Variants in NOS1AP observed in about 807,000 individuals in gnomAD.
The protein encoded by NOS1AP is nitric oxide synthase 1 adaptor protein, also known as carboxyl-terminal PDZ ligand of neuronal nitric oxide synthase protein.
Under a neutral mutation model 56.2 loss-of-function variants are expected in NOS1AP, and 21 were observed. The ratio of observed to expected loss-of-function variants is 0.37; its 90% CI spans 0.26 to 0.54. The LOEUF (loss-of-function observed/expected upper bound fraction) is 0.54, where lower values mean the gene tolerates loss of function less well. Among genes scored for constraint, NOS1AP ranks in the 20% least tolerant of loss-of-function variants. The pLI is 0.84. For synonymous variants in NOS1AP, 270 were observed against 274.6 expected (o/e 0.98, Z 0.17); for missense variants, 522 against 657.8 (o/e 0.79, Z 2.26).
intron 2 of NOS1AP, among the ~76,000 whole-genome samples, chr1:162,252,688 A>G (rs1034380667): frequency 8.5e-5 from 13 of 152,328 alleles, no homozygotes; most frequent in Non-Finnish European, 1.5e-4. Context: ...TTTGGGGCAC[A>G]GTTTCACATA....
At chr1:162,303,649 C>T (rs1318457014) in intron 4 of NOS1AP, among the ~76,000 whole-genome samples, 1 of 152,054 alleles carries the variant, frequency 6.6e-6, no homozygotes, top group African/African-American at 2.4e-5. Context: ...ACTATGTTGC[C>T]CAGGCTGGTC....
intron 1 of NOS1AP, among the ~76,000 whole-genome samples, chr1:162,074,242 C>A (rs1691725099): frequency 6.6e-6 from 1 of 152,182 alleles, no homozygotes; most frequent in Non-Finnish European, 1.5e-5. Flanking sequence ...TGAGCACTTA[C>A]TATGTGCCAT....
At chr1:162,174,745 C>T (rs1184119656) in intron 2 of NOS1AP, among the ~76,000 whole-genome samples, 1 of 152,172 alleles carries the variant, frequency 6.6e-6, no homozygotes, top group Non-Finnish European at 1.5e-5. Flanking sequence ...TTCTTATTAA[C>T]TAAAATCCAT....
intron 2 of NOS1AP, among the ~76,000 whole-genome samples, chr1:162,255,527 G>A (rs979853105): frequency 1.0e-4 from 5 of 50,002 alleles, no homozygotes; most frequent in Non-Finnish European, 2.1e-4. Context: ...TTTTTTTTTG[G>A]TAAGATAGGT....
intron 4 of NOS1AP, among the ~76,000 whole-genome samples, chr1:162,310,675 C>G (rs1334516369): frequency 6.6e-6 from 1 of 152,176 alleles, no homozygotes; most frequent in Admixed American, 6.5e-5. Context: ...TTCATGCTGC[C>G]TAGCTTCTGT....
chr1:162,212,251 ATGATCAGTGGTC>A (rs1308516956), intron 2 of NOS1AP, among the ~76,000 whole-genome samples: 1 of 152,216 alleles, frequency 6.6e-6, no homozygotes, highest in Non-Finnish European at 1.5e-5. Context: ...CAGGGGCTGC[ATGATCAGTGGTC>A]TGAGCAGTGG....
chr1:162,212,577 G>A (rs1460959797), intron 2 of NOS1AP, among the ~76,000 whole-genome samples: 1 of 152,202 alleles, frequency 6.6e-6, no homozygotes, highest in African/African-American at 2.4e-5. Context: ...AGGTGTGTAT[G>A]TTGGTGGTGG....
rs1409407551 is a variant in NOS1AP, at chr1:162,368,324, C to G, written c.*857C>G. On this transcript the variant is annotated 3_prime_UTR_variant, in exon 10 of 10. Transcript: ENST00000361897. ...GCCCCTCACCTCCCCTGTGTCCTGT[C>G]CAGCTGAAGCTTTTGCAGCACTTTA... The G allele has an allele frequency of 6.6e-6, 1 of 152,156 alleles. No homozygotes were observed. The highest frequency in any genetic ancestry group is 1.5e-5 in the Non-Finnish European group (1 of 68,126). 9.4% of individuals were successfully genotyped at this position (152,156 alleles called of 1,614,324 possible).
At chr1:162,311,810 C>A (rs1656041172) in intron 4 of NOS1AP, among the ~76,000 whole-genome samples, 1 of 146,330 alleles carries the variant, frequency 6.8e-6, no homozygotes. Flanking sequence ...TCAATTCCCA[C>A]CTATGAGTGA....
intron 5 of NOS1AP, among the ~76,000 whole-genome samples, chr1:162,339,179 A>G (rs918756809): frequency 5.3e-5 from 8 of 152,142 alleles, no homozygotes; most frequent in Non-Finnish European, 1.2e-4. Context: ...TGGAGCTAAG[A>G]GCCACTCTGA....
intron 2 of NOS1AP, among the ~76,000 whole-genome samples, chr1:162,198,011 G>A (rs1231758416): frequency 1.1e-4 from 16 of 152,250 alleles, no homozygotes. Flanking sequence ...TACCTGCCAT[G>A]GGGCGAGTCA....
At chr1:162,236,250 A>G (rs1409505963) in intron 2 of NOS1AP, among the ~76,000 whole-genome samples, 1 of 152,152 alleles carries the variant, frequency 6.6e-6, no homozygotes, top group Non-Finnish European at 1.5e-5. Context: ...ACTTTCTAAT[A>G]CCAATCAGCA....
At chr1:162,165,478 G>C (rs1043239966) in intron 2 of NOS1AP, among the ~76,000 whole-genome samples, 22 of 152,158 alleles carry the variant, frequency 1.4e-4, no homozygotes, top group African/African-American at 5.3e-4. Flanking sequence ...AACTCTGTGT[G>C]GTGTAGGTGT....
At chr1:162,353,341 G>C (rs1197337330) in intron 6 of NOS1AP, among the ~76,000 whole-genome samples, 1 of 152,114 alleles carries the variant, frequency 6.6e-6, no homozygotes, top group Non-Finnish European at 1.5e-5. Context: ...TGGACTTCCT[G>C]CCTCTGTGCC....
At chr1:162,314,447 T>A (rs554303679) in intron 4 of NOS1AP, among the ~76,000 whole-genome samples, 2 of 152,364 alleles carry the variant, frequency 1.3e-5, no homozygotes, top group South Asian at 4.1e-4. Context: ...CTGGTCACAG[T>A]TCTACAACAA....
chr1:162,289,279 T>TCC (rs1431019501), intron 3 of NOS1AP, among the ~76,000 whole-genome samples: 1,659 of 26,616 alleles, frequency 0.062, 189 homozygotes, highest in Middle Eastern at 0.1. Flanking sequence ...CTTCCTTCCT[T>TCC]TCCTTCCTTC....
At chr1:162,133,072 T>A (rs970798192) in intron 1 of NOS1AP, among the ~76,000 whole-genome samples, 1 of 152,232 alleles carries the variant, frequency 6.6e-6, no homozygotes, top group African/African-American at 2.4e-5. Context: ...TGGCTGGGAT[T>A]TCTGGGTCCA....
intron 2 of NOS1AP, among the ~76,000 whole-genome samples, chr1:162,203,850 A>G (rs1652073063): frequency 6.6e-6 from 1 of 152,166 alleles, no homozygotes; most frequent in Admixed American, 6.6e-5. Flanking sequence ...TCTTTGGTCA[A>G]GAAGGCCAGA....
chr1:162,314,492 G>A (rs546329339), intron 4 of NOS1AP, among the ~76,000 whole-genome samples: 1 of 152,328 alleles, frequency 6.6e-6, no homozygotes, highest in Non-Finnish European at 1.5e-5. Flanking sequence ...CTTACTCTGT[G>A]CTTCATTTTA....
Sources: allele counts gnomAD v4.1 joint callset (sites outside exome capture counted in the v4.1 genomes callset), GRCh38; gene constraint gnomAD v4.1.1; transcripts MANE v1.5; gene names NCBI Gene and HGNC (gene_info 2026-07-23, HGNC 2026-07-21).